DYDC2: variants seen among roughly 807,000 people sequenced by gnomAD.
DYDC2 encodes the protein DPY30 domain containing 2.
Under a neutral mutation model 18.7 loss-of-function variants are expected in DYDC2, and 19 were observed. That is an observed-to-expected ratio of 1.02 (90% CI 0.71 to 1.49). The LOEUF (loss-of-function observed/expected upper bound fraction) is 1.49, where lower values mean the gene tolerates loss of function less well. Among genes scored for constraint, DYDC2 ranks in the 40% most tolerant of loss-of-function variants. The probability of loss-of-function intolerance (pLI) is 0.00; values close to 1 mark genes in which losing one functional copy is unlikely to be tolerated. For synonymous variants in DYDC2, 63 were observed against 67.6 expected, an observed-to-expected ratio of 0.93 and a Z score of 0.34; for missense variants, 179 against 205.1, an observed-to-expected ratio of 0.87 and a Z score of 0.78.
chr10:80,352,081 T>C (rs1843025838), upstream of DYDC2: 1 of 1,263,812 alleles, frequency 7.9e-7, no homozygotes. Flanking sequence ...AAGCACTTAA[T>C]AGGAACAATT....
intron 1 of DYDC2, among the ~76,000 whole-genome samples, chr10:80,345,429 G>C (rs1842553195): frequency 1.3e-5 from 2 of 152,230 alleles, no homozygotes; most frequent in South Asian, 4.1e-4. Context: ...TGTATGGTAA[G>C]AGCACCTAAA....
upstream of DYDC2, among the ~76,000 whole-genome samples, chr10:80,353,985 G>A (rs1275543463): frequency 1.3e-5 from 2 of 150,726 alleles, no homozygotes; most frequent in East Asian, 2.0e-4. Context: ...GCGTGGTGGC[G>A]GGCGCCTGTA....
At chr10:80,356,899 G>T (rs1428090533) in intron 1 of DYDC2, 74 bp downstream of exon 1, 1 of 973,086 alleles carries the variant, frequency 1.0e-6, no homozygotes, top group Non-Finnish European at 1.2e-6. Flanking sequence ...AGGAGTAGGA[G>T]CAGGCGGCAG....
chr10:80,359,813 C>T (rs943005004), intron 2 of DYDC2, among the ~76,000 whole-genome samples: 7 of 152,196 alleles, frequency 4.6e-5, no homozygotes, highest in East Asian at 1.9e-4. Context: ...CGCGCCCACC[C>T]GGAACTTGCG....
At chr10:80,355,287 C>T (rs1454605057), upstream of DYDC2, among the ~76,000 whole-genome samples, 1 of 151,664 alleles carries the variant, frequency 6.6e-6, no homozygotes, top group African/African-American at 2.4e-5. Context: ...TGGGGTCCGT[C>T]CATAACCCCC....
chr10:80,366,648 C>T (rs760280388), intron 4 of DYDC2, 40 bp from the exon 5 acceptor site: 4 of 1,559,100 alleles, frequency 2.6e-6, no homozygotes, highest in Non-Finnish European at 3.5e-6. Flanking sequence ...GTGCTTTAGT[C>T]TCTAATAATA....
At chr10:80,364,030 T>C (rs989866791) in intron 4 of DYDC2, among the ~76,000 whole-genome samples, 11 of 152,134 alleles carry the variant, frequency 7.2e-5, no homozygotes, top group African/African-American at 2.7e-4. Flanking sequence ...GGATAGAGAG[T>C]CGTCTCAATT....
At chr10:80,351,835 G>A (rs546436305), upstream of DYDC2, 7 of 1,437,564 alleles carry the variant, frequency 4.9e-6, no homozygotes, top group Non-Finnish European at 6.8e-6. Context: ...TCAACATTTA[G>A]GCTGTGCCAT....
intron 3 of DYDC2, 40 bp downstream of exon 3, chr10:80,362,630 C>A: frequency 6.4e-7 from 1 of 1,555,900 alleles, no homozygotes; most frequent in South Asian, 1.2e-5. Flanking sequence ...GCCCAGCTTT[C>A]CCAGAGTAAT....
In DYDC2 at chr10:80,362,585, G is replaced by C. The variant is rs1309898713; in HGVS notation, c.142G>C (p.Glu48Gln). ...TTACAGGAAAACAGCAAAAGCAAAAGAAGAGGTGTGTATGTGCACTGGGAC... is the reference window on the plus strand; with the variant it reads ...TTACAGGAAAACAGCAAAAGCAAAACAAGAGGTGTGTATGTGCACTGGGAC... Reference protein sequence around the residue: ...YHYRKTAKAKEENREKKIHLQ... With the variant: ...YHYRKTAKAKQENREKKIHLQ... The change falls in exon 3 of 5, where the codon GAA becomes CAA. Residue 48 changes from glutamate (E) to glutamine (Q), a missense_variant. Physicochemically the swap from Glu to Gln is conservative, Grantham distance 29. Transcript: ENST00000256039. 6.2e-7 allele frequency: 1 copy of C among 1,610,244 alleles called. No homozygotes were observed. The highest frequency in any genetic ancestry group is 1.7e-5 in the Admixed American group (1 of 59,862).
At chr10:80,351,904 C>T, upstream of DYDC2, 1 of 1,614,088 alleles carries the variant, frequency 6.2e-7, no homozygotes, top group Non-Finnish European at 8.5e-7. Flanking sequence ...GCCTCACCTG[C>T]TGAAGTAAGA....
chr10:80,365,928 T>C (rs1269174612), intron 4 of DYDC2, among the ~76,000 whole-genome samples: 1 of 152,146 alleles, frequency 6.6e-6, no homozygotes, highest in Admixed American at 6.5e-5. Flanking sequence ...AACTCTTACA[T>C]TATGTCCATT....
At chr10:80,362,660 G>A (rs574329533) in intron 3 of DYDC2, 70 bp downstream of exon 3, 2 of 1,531,584 alleles carry the variant, frequency 1.3e-6, no homozygotes, top group East Asian at 2.3e-5. Flanking sequence ...AAGACACAAG[G>A]CAGGATTCTG....
chr10:80,355,088 C>A, upstream of DYDC2, among the ~76,000 whole-genome samples: 1 of 144,650 alleles, frequency 6.9e-6, no homozygotes. Context: ...GCTAAGCTTA[C>A]ATTTACTGAA....
At chr10:80,366,617 T>C (rs1333304819) in intron 4 of DYDC2, 71 bp from the exon 5 acceptor site, 2 of 1,504,362 alleles carry the variant, frequency 1.3e-6, no homozygotes, top group East Asian at 4.6e-5. Flanking sequence ...AGCAATACTG[T>C]GTTTTTGCCA....
upstream of DYDC2, among the ~76,000 whole-genome samples, chr10:80,354,182 TAAACA>T (rs1843201464): frequency 6.6e-6 from 1 of 150,638 alleles, no homozygotes; most frequent in Admixed American, 6.6e-5. Context: ...AATCAATTGT[TAAACA>T]AATGTATAAT....
Position 80,366,865 on chromosome 10 carries a change from A to C in DYDC2, c.448A>C (p.Lys150Gln). ...TGCTGGCCAGATTGACCAGAACTTC[A>C]AAATGCCACAAGAAATAAATTACAA... ...ESAGQIDQNF[K>Q]MPQEINYKEA... Residue 150 changes from lysine (K) to glutamine (Q), a missense_variant, in exon 5 of 5, where the codon AAA (lysine) becomes CAA (glutamine). By Grantham distance (53) the Lys-to-Gln change is moderately conservative. Coordinates refer to ENST00000256039, the MANE Select transcript of DYDC2 (RefSeq NM_032372.6). 1 of 1,614,208 alleles carries C rather than the reference A, an allele frequency of 6.2e-7. No homozygotes were observed. Among genetic ancestry groups the C allele is most frequent in the South Asian group, 1.1e-5 (1 of 91,072 alleles).
chr10:80,346,762 G>C (rs1015074618), intron 1 of DYDC2, among the ~76,000 whole-genome samples: 1 of 151,888 alleles, frequency 6.6e-6, no homozygotes, highest in Admixed American at 6.6e-5. Context: ...CCCCGGCCAT[G>C]TCTCTTCCCT....
At chr10:80,345,062 T>TAG (rs34319774) in intron 1 of DYDC2, among the ~76,000 whole-genome samples, 114,753 of 151,944 alleles carry the variant, frequency 0.76, 44,382 homozygotes, top group East Asian at 0.97. Context: ...CATGAGAAAA[T>TAG]AGTGTTTAAA....
Sources: gnomAD v4.1 joint callset for allele counts (sites outside exome capture counted in the v4.1 genomes callset) on GRCh38, gnomAD v4.1.1 for gene constraint, MANE v1.5 for transcripts, NCBI Gene and HGNC (gene_info 2026-07-23, HGNC 2026-07-21) for gene names.